NCK2: variants seen among roughly 807,000 people sequenced by gnomAD.
The protein encoded by NCK2 is NCK adaptor protein 2.
In NCK2, 16 loss-of-function variants were observed where a neutral mutation model predicts 33.9. The ratio of observed to expected loss-of-function variants is 0.47; its 90% CI spans 0.32 to 0.72. The LOEUF is 0.72. Among genes scored for constraint, NCK2 ranks in the 30% least tolerant of loss-of-function variants. The pLI, the probability that NCK2 is intolerant of heterozygous loss-of-function variation, is 0.03. For missense variants in NCK2, 418 were observed against 537.3 expected (o/e 0.78, Z 2.19); for synonymous variants, 273 against 239.9 (o/e 1.14, Z -1.27).
intron 1 of NCK2, among the ~76,000 whole-genome samples, chr2:105,800,851 G>A (rs1265386960): frequency 6.6e-6 from 1 of 152,102 alleles, no homozygotes; most frequent in Non-Finnish European, 1.5e-5. Context: ...GAGTGGGAGA[G>A]CACCTTGCTG....
At chr2:105,754,856 A>G (rs10496402) in intron 1 of NCK2, among the ~76,000 whole-genome samples, 13,895 of 152,036 alleles carry the variant, frequency 0.091, 727 homozygotes, top group African/African-American at 0.14. Flanking sequence ...ATTTTCATCA[A>G]ACGATTAAAA....
chr2:105,893,248 T>TCCTCCCGCGGGGACGGCC lies in NCK2; in HGVS notation c.*75_*92dup. On this transcript the variant is annotated 3_prime_UTR_variant, in exon 5 of 5. Transcript: ENST00000233154. ...GCCCGCCCGGCCTTGTGGCAGAGGC[T>TCCTCCCGCGGGGACGGCC]CCTCCCGCGGGGACGGCCCCGACGG... 7.0e-7 allele frequency: 1 copy of TCCTCCCGCGGGGACGGCC among 1,431,324 alleles called. No individual in the cohort carries two copies. Among genetic ancestry groups the TCCTCCCGCGGGGACGGCC allele is most frequent in the Non-Finnish European group, 9.4e-7 (1 of 1,065,768 alleles). The allele number at this position is 1,431,324 out of a possible 1,614,324, so 88.7% of individuals were successfully genotyped here. A position where few individuals can be genotyped will look rare whatever the true frequency, so the allele number is the denominator to read the frequency against.
At chr2:105,850,339 G>A (rs1277605183) in intron 2 of NCK2, among the ~76,000 whole-genome samples, 1 of 152,162 alleles carries the variant, frequency 6.6e-6, no homozygotes, top group Non-Finnish European at 1.5e-5. Context: ...CTTAGAGTAG[G>A]ATTGCTCGTA....
chr2:105,854,321 G>T (rs1004824339), intron 2 of NCK2, among the ~76,000 whole-genome samples: 1 of 152,106 alleles, frequency 6.6e-6, no homozygotes, highest in African/African-American at 2.4e-5. Context: ...TGCTACAGAC[G>T]TCTCTGCACA....
chr2:105,756,946 C>T (rs1446506686), intron 1 of NCK2, among the ~76,000 whole-genome samples: 4 of 152,150 alleles, frequency 2.6e-5, no homozygotes, highest in African/African-American at 9.7e-5. Context: ...GCTGGGATTA[C>T]AGGCATACAC....
chr2:105,744,893 C>CGCCGCT (rs1553448957), upstream of NCK2: 10 of 160,490 alleles, frequency 6.2e-5, no homozygotes, highest in Non-Finnish European at 9.0e-5. Flanking sequence ...CCGCCGCCGC[C>CGCCGCT]GCTGCCGCGG....
At chr2:105,826,981 A>G (rs1397883469) in intron 2 of NCK2, among the ~76,000 whole-genome samples, 4 of 152,094 alleles carry the variant, frequency 2.6e-5, no homozygotes, top group Non-Finnish European at 5.9e-5. Context: ...AAGAAGACAT[A>G]GCATTCTTTT....
intron 1 of NCK2, among the ~76,000 whole-genome samples, chr2:105,786,808 C>T (rs969145865): frequency 2.0e-5 from 3 of 152,090 alleles, no homozygotes; most frequent in African/African-American, 4.8e-5. Context: ...GTTTGTTCCC[C>T]TCTGCCTCTC....
intron 2 of NCK2, among the ~76,000 whole-genome samples, chr2:105,841,891 C>G (rs1431541998): frequency 3.3e-5 from 5 of 152,038 alleles, no homozygotes; most frequent in African/African-American, 1.2e-4. Context: ...TTAATAGACC[C>G]TTCAGAGAGG....
At chr2:105,814,273 G>C (rs1359466379) in intron 1 of NCK2, among the ~76,000 whole-genome samples, 1 of 152,192 alleles carries the variant, frequency 6.6e-6, no homozygotes, top group Non-Finnish European at 1.5e-5. Flanking sequence ...TTAACACATT[G>C]ACAGTTTGTC....
chr2:105,860,674 G>A (rs1163961883), intron 3 of NCK2, among the ~76,000 whole-genome samples: 2 of 151,990 alleles, frequency 1.3e-5, no homozygotes, highest in Admixed American at 6.6e-5. Context: ...TGCAGAGCTG[G>A]GGAGGAATTG....
At chr2:105,780,358 A>G (rs1347905550) in intron 1 of NCK2, among the ~76,000 whole-genome samples, 1 of 143,594 alleles carries the variant, frequency 7.0e-6, no homozygotes, top group Non-Finnish European at 1.5e-5. Flanking sequence ...ACACACACAC[A>G]CACACATTCA....
At chr2:105,764,220 C>T (rs1689859655) in intron 1 of NCK2, among the ~76,000 whole-genome samples, 1 of 152,206 alleles carries the variant, frequency 6.6e-6, no homozygotes, top group Admixed American at 6.5e-5. Context: ...CACCTGCTGG[C>T]CTTCAGCACC....
chr2:105,777,200 C>T (rs540134972), intron 1 of NCK2, among the ~76,000 whole-genome samples: 4 of 152,222 alleles, frequency 2.6e-5, no homozygotes, highest in East Asian at 3.9e-4. Flanking sequence ...CTACTCTCGT[C>T]ACTGCTGCTT....
chr2:105,750,853 TG>T (rs1376388467), intron 1 of NCK2, among the ~76,000 whole-genome samples: 2 of 152,100 alleles, frequency 1.3e-5, no homozygotes, highest in Non-Finnish European at 2.9e-5. Context: ...AAGCAAGAGG[TG>T]GGGCCAATGG....
rs1176367218 is a variant in NCK2 at position 105,745,158 on chromosome 2, C to T, written c.-201+20C>T. ...GGCGAGGTAAGCGCGGCTAGGCGGG[C>T]GTGGGGCGGGGGCCACAAACTTGGG... On this transcript the variant is annotated intron_variant, in intron 1 of 4. Transcript: ENST00000233154. 1.3e-5 allele frequency: 2 copies of T among 149,980 alleles called. No homozygotes were observed. The highest frequency in any genetic ancestry group is 3.0e-5 in the Non-Finnish European group (2 of 67,340). The allele number at this position is 149,980 out of a possible 1,614,324, so 9.3% of individuals were successfully genotyped here.
chr2:105,828,478 A>G lies in NCK2; in HGVS notation c.-17+11865A>G, dbSNP rs546287610. ...CCATGACAGCACACTCACCCACCGC[A>G]GATCAGTGTGGAGTGCAGAATTTAA... On this transcript the variant is annotated intron_variant, in intron 2 of 4. Transcript: ENST00000233154. 2.0e-5 allele frequency among the ~76,000 whole-genome samples: 3 copies of G among 152,360 alleles called. No individual in the cohort carries two copies. In the East Asian group the frequency reaches 5.8e-4, roughly 29 times the overall value.
At chr2:105,833,447 A>G (rs932889297) in intron 2 of NCK2, among the ~76,000 whole-genome samples, 3 of 152,010 alleles carry the variant, frequency 2.0e-5, no homozygotes, top group African/African-American at 7.3e-5. Context: ...CTAAGAATTT[A>G]CTTGTTTTCC....
At chr2:105,884,909 C>T (rs957779395) in intron 4 of NCK2, among the ~76,000 whole-genome samples, 1 of 152,178 alleles carries the variant, frequency 6.6e-6, no homozygotes, top group African/African-American at 2.4e-5. Flanking sequence ...ATACCTTCAC[C>T]TGTGAGCCAT....
Sources: allele counts gnomAD v4.1 joint callset (sites outside exome capture counted in the v4.1 genomes callset), GRCh38; gene constraint gnomAD v4.1.1; transcripts MANE v1.5; gene names NCBI Gene and HGNC (gene_info 2026-07-23, HGNC 2026-07-21).